Variants in CTNNA2 observed in about 807,000 individuals in gnomAD.
CTNNA2 encodes catenin alpha-2.
Under a neutral mutation model 101.0 loss-of-function variants are expected in CTNNA2, and 42 were observed. The ratio of observed to expected loss-of-function variants is 0.42; its 90% CI spans 0.32 to 0.54. The LOEUF is 0.54. Ranked by LOEUF, CTNNA2 falls within the 20% of genes least tolerant of loss-of-function variation. The pLI is 0.14. For synonymous variants in CTNNA2, 450 were observed against 456.4 expected, an observed-to-expected ratio of 0.99 and a Z score of 0.18; for missense variants, 871 against 1,223.1, an observed-to-expected ratio of 0.71 and a Z score of 4.29.
rs116887124 is a variant in CTNNA2 at position 79,525,859 on chromosome 2, A to G, written c.-6+12652A>G. On this transcript the variant is annotated intron_variant, in intron 1 of 18. Coordinates refer to ENST00000402739, the MANE Select transcript of CTNNA2 (RefSeq NM_001282597.3). The stretch of plus-strand genomic sequence containing the variant: ...AAGGATGAGTTAAAGTAATACTAAT[A>G]TGATAAGTTTCAATAAAACTCTCAG... Among the ~76,000 whole-genome samples, 1,504 of 152,122 alleles carry G rather than the reference A, an allele frequency of 9.9e-3. 26 individuals are homozygous for G. Among genetic ancestry groups the G allele is most frequent in the East Asian group, 0.048 (247 of 5,176 alleles).
intron 1 of CTNNA2, among the ~76,000 whole-genome samples, chr2:79,630,480 A>G (rs147619154): frequency 6.3e-4 from 96 of 152,332 alleles, no homozygotes; most frequent in African/African-American, 2.1e-3. Flanking sequence ...GATTTACGTA[A>G]AAGAGACCAA....
intron 1 of CTNNA2, among the ~76,000 whole-genome samples, chr2:79,608,819 G>A (rs1243871668): frequency 6.6e-6 from 1 of 151,958 alleles, no homozygotes; most frequent in East Asian, 1.9e-4. Flanking sequence ...AGACAGATGA[G>A]TCTTATATTT....
At chr2:80,448,690 G>C (rs1374176875) in intron 9 of CTNNA2, among the ~76,000 whole-genome samples, 2 of 152,120 alleles carry the variant, frequency 1.3e-5, no homozygotes, top group African/African-American at 2.4e-5. Context: ...TTTATACCCT[G>C]AATATCTTAG....
At chr2:80,634,748 TGAAAA>T (rs1190593065) in intron 18 of CTNNA2, among the ~76,000 whole-genome samples, 6 of 152,170 alleles carry the variant, frequency 3.9e-5, no homozygotes, top group Admixed American at 6.6e-5. Context: ...GTGAAGAAGA[TGAAAA>T]GAGATCAAGT....
At chr2:80,259,440 T>A (rs1672424938) in intron 7 of CTNNA2, among the ~76,000 whole-genome samples, 1 of 152,192 alleles carries the variant, frequency 6.6e-6, no homozygotes, top group African/African-American at 2.4e-5. Context: ...TGTACAGTAC[T>A]GAGGGAGGTC....
At chr2:80,108,247 C>T (rs1701009153) in intron 7 of CTNNA2, among the ~76,000 whole-genome samples, 1 of 152,152 alleles carries the variant, frequency 6.6e-6, no homozygotes, top group Non-Finnish European at 1.5e-5. Context: ...GGAAGGTGGT[C>T]TCCACTGACC....
intron 7 of CTNNA2, among the ~76,000 whole-genome samples, chr2:80,102,267 T>A (rs187846455): frequency 3.9e-5 from 6 of 152,312 alleles, no homozygotes; most frequent in African/African-American, 1.4e-4. Flanking sequence ...GAGTGTGTCT[T>A]GACTCATGTT....
chr2:80,568,434 G>C (rs1274215853), intron 12 of CTNNA2, among the ~76,000 whole-genome samples: 1 of 152,138 alleles, frequency 6.6e-6, no homozygotes, highest in African/African-American at 2.4e-5. Flanking sequence ...CTAGAAGCAG[G>C]ACAAGGGTTT....
intron 7 of CTNNA2, chr2:80,313,313 A>T: frequency 9.0e-7 from 1 of 1,116,540 alleles, no homozygotes; most frequent in Non-Finnish European, 1.2e-6. Flanking sequence ...ATTATTTAAC[A>T]TACGTGTTTG....
At chr2:79,791,956 C>G (rs1165157541) in intron 3 of CTNNA2, among the ~76,000 whole-genome samples, 1 of 152,142 alleles carries the variant, frequency 6.6e-6, no homozygotes, top group Admixed American at 6.5e-5. Context: ...GACAGGTGGC[C>G]TCCTGCATTC....
intron 4 of CTNNA2, among the ~76,000 whole-genome samples, chr2:79,411,619 C>T (rs980988816): frequency 1.2e-4 from 19 of 152,026 alleles, no homozygotes; most frequent in African/African-American, 4.3e-4. Context: ...GAATTTTCAA[C>T]CCAGAATTTC....
At chr2:80,604,308 T>A in intron 16 of CTNNA2, 129 bp downstream of exon 16, 2 of 696,096 alleles carry the variant, frequency 2.9e-6, no homozygotes, top group Non-Finnish European at 5.1e-6. Flanking sequence ...ATCACTGATA[T>A]TTTACACACT....
At chr2:79,221,339 G>A (rs1674342797) in intron 2 of CTNNA2, among the ~76,000 whole-genome samples, 1 of 152,098 alleles carries the variant, frequency 6.6e-6, no homozygotes, top group African/African-American at 2.4e-5. Flanking sequence ...GTTTTGCAGA[G>A]ATGGAGCCTT....
intron 6 of CTNNA2, among the ~76,000 whole-genome samples, chr2:79,875,254 C>A (rs1410898738): frequency 1.3e-5 from 2 of 152,138 alleles, no homozygotes; most frequent in Non-Finnish European, 2.9e-5. Context: ...GGGATGACAG[C>A]CCCCATTCCC....
At chr2:79,627,449 GCCTCCC>G (rs1332280658) in intron 1 of CTNNA2, among the ~76,000 whole-genome samples, 1 of 152,136 alleles carries the variant, frequency 6.6e-6, no homozygotes, top group Non-Finnish European at 1.5e-5. Context: ...GCTGCCTGCT[GCCTCCC>G]CCTCATAGCA....
intron 7 of CTNNA2, among the ~76,000 whole-genome samples, chr2:80,120,698 T>C (rs530024641): frequency 2.0e-5 from 3 of 152,338 alleles, no homozygotes; most frequent in African/African-American, 4.8e-5. Context: ...GGGGATCATA[T>C]TGGCCACAAA....
intron 3 of CTNNA2, among the ~76,000 whole-genome samples, chr2:79,821,308 A>C (rs1330131238): frequency 3.9e-5 from 6 of 152,134 alleles, no homozygotes; most frequent in Admixed American, 3.9e-4. Flanking sequence ...TTCTAGGATC[A>C]AGTGATCCTC....
At chr2:80,060,606 T>C (rs71426607) in intron 7 of CTNNA2, among the ~76,000 whole-genome samples, 6 of 152,138 alleles carry the variant, frequency 3.9e-5, no homozygotes, top group African/African-American at 1.4e-4. Flanking sequence ...TGAAGAGTTG[T>C]ATATTGTTTT....
intron 7 of CTNNA2, among the ~76,000 whole-genome samples, chr2:80,286,061 AG>A (rs1345412611): frequency 3.3e-5 from 5 of 152,164 alleles, no homozygotes; most frequent in African/African-American, 9.7e-5. Context: ...CAGAACTCTC[AG>A]GAATGGTGCT....
Sources: allele counts gnomAD v4.1 joint callset (sites outside exome capture counted in the v4.1 genomes callset), GRCh38; gene constraint gnomAD v4.1.1; transcripts MANE v1.5; gene names NCBI Gene and HGNC (gene_info 2026-07-23, HGNC 2026-07-21).